SRD5A2: variants seen among roughly 807,000 people sequenced by gnomAD.
SRD5A2 encodes 3-oxo-5-alpha-steroid 4-dehydrogenase 2.
In SRD5A2, 30 loss-of-function variants were observed where a neutral mutation model predicts 27.4. The observed-to-expected ratio is 1.10, with a 90% CI of 0.82 to 1.49. SRD5A2 has a LOEUF of 1.49. Among genes scored for constraint, SRD5A2 ranks in the 40% most tolerant of loss-of-function variants. SRD5A2 has a pLI of 0.00. For synonymous variants in SRD5A2, 141 were observed against 133.6 expected (o/e 1.06, Z -0.38); for missense variants, 348 against 323.4 (o/e 1.08, Z -0.58).
At chr2:31,587,039 C>T in the SRD5A2 span, among the ~76,000 whole-genome samples, 4 of 152,004 alleles carry the variant, frequency 2.6e-5, no homozygotes, top group Non-Finnish European at 4.4e-5. Context: ...GATTAAAATA[C>T]TTTAAAAGAA....
chr2:31,616,690 C>T, the SRD5A2 span, among the ~76,000 whole-genome samples: 4 of 152,152 alleles, frequency 2.6e-5, no homozygotes, highest in Admixed American at 2.0e-4. Flanking sequence ...ATTTTACAGG[C>T]TCATAGAGGT....
At chr2:31,528,045 A>G (rs1665821271) in intron 4 of SRD5A2, among the ~76,000 whole-genome samples, 1 of 152,168 alleles carries the variant, frequency 6.6e-6, no homozygotes, top group South Asian at 2.1e-4. Context: ...AACCTAATAT[A>G]TTACCTTTCA....
In SRD5A2 at chr2:31,523,145, CT is replaced by C. The variant is rs34082006; in HGVS notation, c.*3050del. Reference sequence around the variant, plus strand: ...GATAAGGGGGTTTATGACCTGAAACCTTTTTTCCATGCTGAACACACATGTT... The same window carrying C: ...GATAAGGGGGTTTATGACCTGAAACCTTTTTCCATGCTGAACACACATGTT... On this transcript the variant is annotated 3_prime_UTR_variant, in exon 5 of 5. Coordinates refer to ENST00000622030, the MANE Select transcript of SRD5A2 (RefSeq NM_000348.4). The C allele has an allele frequency of 4.6e-6, 1 of 216,048 alleles. No individual in the cohort carries two copies. 13.4% of individuals were successfully genotyped at this position (216,048 alleles called of 1,614,324 possible).
intron 1 of SRD5A2, among the ~76,000 whole-genome samples, chr2:31,554,251 G>C (rs1049300117): frequency 5.9e-5 from 9 of 152,056 alleles, no homozygotes; most frequent in Admixed American, 3.9e-4. Context: ...CCTCAATCTA[G>C]AAGATTGAAG....
chr2:31,573,079 T>C (rs934349187), intron 1 of SRD5A2, among the ~76,000 whole-genome samples: 1 of 152,084 alleles, frequency 6.6e-6, no homozygotes, highest in Non-Finnish European at 1.5e-5. Flanking sequence ...CCAACAGACA[T>C]CATGTCCCCA....
chr2:31,588,478 T>G, the SRD5A2 span, among the ~76,000 whole-genome samples: 1 of 152,186 alleles, frequency 6.6e-6, no homozygotes, highest in Admixed American at 6.5e-5. Context: ...TTGATATATT[T>G]AAAATGCTGA....
chr2:31,612,330 G>T, the SRD5A2 span, among the ~76,000 whole-genome samples: 1 of 150,512 alleles, frequency 6.6e-6, no homozygotes, highest in Non-Finnish European at 1.5e-5. Flanking sequence ...AAACTATTGA[G>T]TCATGCAACA....
chr2:31,552,152 C>A (rs1174170632), intron 1 of SRD5A2, among the ~76,000 whole-genome samples: 1 of 150,632 alleles, frequency 6.6e-6, no homozygotes, highest in Non-Finnish European at 1.5e-5. Context: ...AAACATCAAG[C>A]TAACAATAAT....
chr2:31,602,054 C>T, the SRD5A2 span, among the ~76,000 whole-genome samples: 8 of 152,114 alleles, frequency 5.3e-5, no homozygotes, highest in African/African-American at 1.9e-4. Context: ...GAAGTTCTGG[C>T]CAGGGCAATC....
chr2:31,626,756 G>A, the SRD5A2 span, among the ~76,000 whole-genome samples: 1 of 152,096 alleles, frequency 6.6e-6, no homozygotes, highest in African/African-American at 2.4e-5. Flanking sequence ...GATTCGGTTT[G>A]CCAGTATTAT....
intron 1 of SRD5A2, among the ~76,000 whole-genome samples, chr2:31,539,045 A>G (rs1666080029): frequency 6.6e-6 from 1 of 152,212 alleles, no homozygotes; most frequent in African/African-American, 2.4e-5. Flanking sequence ...TATATGCATC[A>G]TAACTTTTAC....
At chr2:31,533,544 T>C in intron 2 of SRD5A2, 59 bp downstream of exon 2, 3 of 1,494,092 alleles carry the variant, frequency 2.0e-6, no homozygotes, top group Non-Finnish European at 2.7e-6. Context: ...CATGGCGATG[T>C]AGATTGTGGG....
At chr2:31,630,074 C>T in the SRD5A2 span, among the ~76,000 whole-genome samples, 2 of 152,142 alleles carry the variant, frequency 1.3e-5, no homozygotes, top group Admixed American at 1.3e-4. Flanking sequence ...TTGCCAGGGC[C>T]CCAAGTTTGC....
chr2:31,527,996 G>A (rs564851001), intron 4 of SRD5A2, among the ~76,000 whole-genome samples: 2 of 152,252 alleles, frequency 1.3e-5, no homozygotes, highest in East Asian at 1.9e-4. Flanking sequence ...TTAGGGAAAG[G>A]ATCTGACATT....
At chr2:31,621,587 G>A in the SRD5A2 span, among the ~76,000 whole-genome samples, 3 of 152,012 alleles carry the variant, frequency 2.0e-5, no homozygotes, top group Non-Finnish European at 2.9e-5. Flanking sequence ...GTGAATGTAA[G>A]TTGTCAGTTC....
At chr2:31,614,468 G>A in the SRD5A2 span, among the ~76,000 whole-genome samples, 2 of 152,190 alleles carry the variant, frequency 1.3e-5, no homozygotes, top group Non-Finnish European at 2.9e-5. Flanking sequence ...TCCTCTCCTG[G>A]CTGCTTTCAC....
chr2:31,560,023 G>A (rs1245386588), intron 1 of SRD5A2, among the ~76,000 whole-genome samples: 1 of 145,710 alleles, frequency 6.9e-6, no homozygotes, highest in African/African-American at 2.5e-5. Context: ...TTAAAAAATT[G>A]TACGTTCCCA....
At chr2:31,545,028 A>G (rs1572638400) in intron 1 of SRD5A2, among the ~76,000 whole-genome samples, 1 of 152,052 alleles carries the variant, frequency 6.6e-6, no homozygotes, top group East Asian at 1.9e-4. Flanking sequence ...GAAAAGACTT[A>G]TAACTAGTAA....
the SRD5A2 span, among the ~76,000 whole-genome samples, chr2:31,631,525 G>T: frequency 6.6e-6 from 1 of 152,258 alleles, no homozygotes; most frequent in East Asian, 1.9e-4. Flanking sequence ...GTATTCTGGA[G>T]AATTCGGCCC....
Sources: gnomAD v4.1 joint callset for allele counts (sites outside exome capture counted in the v4.1 genomes callset) on GRCh38, gnomAD v4.1.1 for gene constraint, MANE v1.5 for transcripts, NCBI Gene and HGNC (gene_info 2026-07-23, HGNC 2026-07-21) for gene names.